Variants in KCNMA1 observed in about 807,000 individuals in gnomAD.
The protein encoded by KCNMA1 is potassium calcium-activated channel subfamily M alpha 1.
In KCNMA1, 29 loss-of-function variants were observed where a neutral mutation model predicts 140.0. The ratio of observed to expected loss-of-function variants is 0.21; its 90% CI spans 0.15 to 0.28. The LOEUF is 0.28. Among genes scored for constraint, KCNMA1 ranks in the 10% least tolerant of loss-of-function variants. The pLI is 1.00. For missense variants in KCNMA1, 880 were observed against 1,602.2 expected, an observed-to-expected ratio of 0.55 and a Z score of 7.70; for synonymous variants, 612 against 611.9, an observed-to-expected ratio of 1.00 and a Z score of 0.00.
intron 1 of KCNMA1, among the ~76,000 whole-genome samples, chr10:77,628,462 C>A (rs1274061740): frequency 3.3e-5 from 5 of 152,012 alleles, no homozygotes; most frequent in Non-Finnish European, 5.9e-5. Flanking sequence ...TCAAGACCAG[C>A]CTGACTGACA....
At chr10:77,395,208 G>T (rs1428545870) in intron 2 of KCNMA1, among the ~76,000 whole-genome samples, 1 of 152,072 alleles carries the variant, frequency 6.6e-6, no homozygotes, top group Admixed American at 6.5e-5. Flanking sequence ...AACATAGCAT[G>T]TCATGGTGGC....
At chr10:77,348,823 T>G (rs1419136254) in intron 2 of KCNMA1, among the ~76,000 whole-genome samples, 2 of 152,206 alleles carry the variant, frequency 1.3e-5, no homozygotes, top group Non-Finnish European at 1.5e-5. Context: ...GCTTCTGTCC[T>G]GAGGATAGGC....
At chr10:77,553,292 A>G (rs144133889) in intron 1 of KCNMA1, among the ~76,000 whole-genome samples, 18 of 152,308 alleles carry the variant, frequency 1.2e-4, no homozygotes, top group African/African-American at 4.1e-4. Flanking sequence ...GCAGCCTGTC[A>G]ATATTTCAAA....
At chr10:77,490,177 G>A (rs903281983) in intron 1 of KCNMA1, among the ~76,000 whole-genome samples, 3 of 152,090 alleles carry the variant, frequency 2.0e-5, no homozygotes, top group Non-Finnish European at 4.4e-5. Context: ...CTAATATCTA[G>A]GGCTCCCACC....
chr10:77,178,374 A>T (rs1474539927), intron 5 of KCNMA1, among the ~76,000 whole-genome samples: 5 of 151,772 alleles, frequency 3.3e-5, no homozygotes, highest in Admixed American at 2.6e-4. Flanking sequence ...CTTTCCTCCT[A>T]CTCCCTTCTT....
At chr10:77,218,797 C>T (rs1302799674) in intron 3 of KCNMA1, among the ~76,000 whole-genome samples, 1 of 152,152 alleles carries the variant, frequency 6.6e-6, no homozygotes, top group Admixed American at 6.5e-5. Context: ...AGTGATTCTC[C>T]TGCCTCAGCC....
At chr10:77,199,035 A>G (rs911331558) in intron 3 of KCNMA1, among the ~76,000 whole-genome samples, 14 of 152,214 alleles carry the variant, frequency 9.2e-5, no homozygotes, top group Non-Finnish European at 1.8e-4. Context: ...CTTGAGCACC[A>G]CCCAGAACAT....
intron 3 of KCNMA1, among the ~76,000 whole-genome samples, chr10:77,214,026 TCACCCCTGGGCAG>T (rs2046943588): frequency 6.6e-6 from 1 of 152,088 alleles, no homozygotes; most frequent in African/African-American, 2.4e-5. Context: ...ACCATTGTCA[TCACCCCTGGGCAG>T]CACCCTCCTT....
chr10:77,364,730 A>T (rs1040919831), intron 2 of KCNMA1, among the ~76,000 whole-genome samples: 1 of 152,186 alleles, frequency 6.6e-6, no homozygotes, highest in Non-Finnish European at 1.5e-5. Flanking sequence ...ATGGGTAGCC[A>T]GTCTAGAACT....
chr10:77,552,692 C>T lies in KCNMA1; in HGVS notation c.378+84573G>A, dbSNP rs538980082. Among the ~76,000 whole-genome samples the T allele has an allele frequency of 3.3e-5, 5 of 152,278 alleles. No individual in the cohort carries two copies. In the South Asian group the frequency reaches 1.0e-3, roughly 32 times the overall value. ...TTATGATCTTCTTTTCTTGTGAACA[C>T]CCCAGACCTAGGGACCAGCGGTGGC... On this transcript the variant is annotated intron_variant, in intron 1 of 27. Coordinates refer to ENST00000286628, the MANE Select transcript of KCNMA1 (RefSeq NM_001161352.2).
intron 1 of KCNMA1, among the ~76,000 whole-genome samples, chr10:77,568,752 A>C (rs1235739305): frequency 4.0e-5 from 6 of 150,742 alleles, no homozygotes. Flanking sequence ...AGGCAGGAGA[A>C]GGAAATAAAG....
At chr10:77,539,947 C>T (rs12220945) in intron 1 of KCNMA1, among the ~76,000 whole-genome samples, 25,158 of 152,138 alleles carry the variant, frequency 0.17, 2,908 homozygotes, top group East Asian at 0.54. Context: ...GGGAGAGCAG[C>T]GAAGAGCTGC....
intron 5 of KCNMA1, among the ~76,000 whole-genome samples, chr10:77,154,541 A>G (rs2098461023): frequency 6.6e-6 from 1 of 152,174 alleles, no homozygotes; most frequent in Non-Finnish European, 1.5e-5. Flanking sequence ...TGCCTGAATA[A>G]TTCAGGCCAC....
intron 1 of KCNMA1, among the ~76,000 whole-genome samples, chr10:77,411,697 G>C (rs1030711036): frequency 6.6e-6 from 1 of 152,196 alleles, no homozygotes; most frequent in Admixed American, 6.5e-5. Flanking sequence ...CCACTTCTGG[G>C]TACTGCTTGT....
intron 1 of KCNMA1, among the ~76,000 whole-genome samples, chr10:77,511,595 G>C (rs1342730195): frequency 6.6e-6 from 1 of 152,170 alleles, no homozygotes; most frequent in Non-Finnish European, 1.5e-5. Flanking sequence ...GAATTTCTGT[G>C]ATGCAGAAAT....
chr10:77,410,050 C>T (rs2096584461), intron 1 of KCNMA1, among the ~76,000 whole-genome samples: 1 of 152,152 alleles, frequency 6.6e-6, no homozygotes, highest in Non-Finnish European at 1.5e-5. Flanking sequence ...GGGCAGGAAG[C>T]AGGGCTGCTC....
At chr10:77,404,623 A>T (rs182156176) in intron 1 of KCNMA1, among the ~76,000 whole-genome samples, 1 of 152,344 alleles carries the variant, frequency 6.6e-6, no homozygotes, top group Non-Finnish European at 1.5e-5. Flanking sequence ...GGGCATGCTG[A>T]GGAGGGAGGA....
chr10:77,479,204 C>T (rs188559080), intron 1 of KCNMA1, among the ~76,000 whole-genome samples: 25 of 152,288 alleles, frequency 1.6e-4, no homozygotes, highest in African/African-American at 5.8e-4. Flanking sequence ...TTCAGCCTTG[C>T]TGGGATTTGG....
intron 1 of KCNMA1, among the ~76,000 whole-genome samples, chr10:77,465,605 A>G (rs1209331741): frequency 1.3e-5 from 2 of 151,234 alleles, no homozygotes; most frequent in Admixed American, 1.3e-4. Flanking sequence ...GAGGGCTATC[A>G]AGAGGATTGA....
Sources: gnomAD v4.1 joint callset for allele counts (sites outside exome capture counted in the v4.1 genomes callset) on GRCh38, gnomAD v4.1.1 for gene constraint, MANE v1.5 for transcripts, NCBI Gene and HGNC (gene_info 2026-07-23, HGNC 2026-07-21) for gene names.